PLXDC2: variants seen among roughly 807,000 people sequenced by gnomAD.
PLXDC2 encodes plexin domain-containing protein 2.
A neutral mutation model predicts 68.9 loss-of-function variants in PLXDC2; 40 were observed. That is an observed-to-expected ratio of 0.58 (90% confidence interval 0.45 to 0.76). PLXDC2 has a LOEUF of 0.76. Among genes scored for constraint, PLXDC2 ranks in the 30% least tolerant of loss-of-function variants. The pLI is 0.00. For synonymous variants in PLXDC2, 243 were observed against 234.2 expected (o/e 1.04, Z -0.34); for missense variants, 644 against 661.9 (o/e 0.97, Z 0.30).
At chr10:19,894,402 C>T (rs1253636856) in intron 1 of PLXDC2, among the ~76,000 whole-genome samples, 2 of 151,822 alleles carry the variant, frequency 1.3e-5, no homozygotes, top group Admixed American at 6.6e-5. Flanking sequence ...GAATTTTAAC[C>T]ACTTTCAATT....
intron 1 of PLXDC2, among the ~76,000 whole-genome samples, chr10:19,837,613 C>G (rs969740983): frequency 3.9e-4 from 60 of 152,234 alleles, no homozygotes; most frequent in African/African-American, 1.4e-3. Flanking sequence ...CCTAGTTTAA[C>G]TTTGTAATGA....
intron 6 of PLXDC2, among the ~76,000 whole-genome samples, chr10:20,160,209 C>T (rs996934912): frequency 1.4e-4 from 22 of 152,050 alleles, no homozygotes; most frequent in African/African-American, 5.1e-4. Flanking sequence ...ATCTAGTAGA[C>T]ATCATTCTTA....
At chr10:20,058,736 G>T (rs1032785339) in intron 3 of PLXDC2, among the ~76,000 whole-genome samples, 1 of 152,066 alleles carries the variant, frequency 6.6e-6, no homozygotes, top group Admixed American at 6.6e-5. Flanking sequence ...GAGGATCATT[G>T]GTCAAGGATG....
intron 1 of PLXDC2, among the ~76,000 whole-genome samples, chr10:19,973,169 G>C (rs974096682): frequency 3.3e-5 from 5 of 150,264 alleles, no homozygotes; most frequent in Non-Finnish European, 7.4e-5. Flanking sequence ...TTGTGAAAAT[G>C]TTGTCATTTT....
intron 13 of PLXDC2, among the ~76,000 whole-genome samples, chr10:20,278,818 T>C (rs1836043270): frequency 6.6e-6 from 1 of 152,204 alleles, no homozygotes; most frequent in African/African-American, 2.4e-5. Flanking sequence ...ATTTATCATC[T>C]TATTTAGCCC....
chr10:19,879,655 G>A (rs1342609466), intron 1 of PLXDC2, among the ~76,000 whole-genome samples: 4 of 152,178 alleles, frequency 2.6e-5, no homozygotes, highest in Non-Finnish European at 4.4e-5. Context: ...ACATGAACAA[G>A]AAAATGCAGT....
chr10:20,162,106 A>C (rs1032740021), intron 6 of PLXDC2, among the ~76,000 whole-genome samples: 2 of 148,264 alleles, frequency 1.3e-5, no homozygotes, highest in Admixed American at 1.3e-4. Context: ...GAAGGAAGGA[A>C]GGAAGGAAGG....
At chr10:19,888,083 T>C (rs1383348098) in intron 1 of PLXDC2, among the ~76,000 whole-genome samples, 1 of 152,258 alleles carries the variant, frequency 6.6e-6, no homozygotes, top group East Asian at 1.9e-4. Context: ...TGTGAGAAAT[T>C]GTTAATGAAT....
At chr10:19,977,731 A>G (rs1834482683) in intron 1 of PLXDC2, among the ~76,000 whole-genome samples, 1 of 151,704 alleles carries the variant, frequency 6.6e-6, no homozygotes, top group Non-Finnish European at 1.5e-5. Context: ...GTAACCTCAC[A>G]TGGCAGAGGG....
intron 1 of PLXDC2, among the ~76,000 whole-genome samples, chr10:19,929,303 A>T (rs1833590311): frequency 6.6e-6 from 1 of 152,070 alleles, no homozygotes; most frequent in Admixed American, 6.5e-5. Flanking sequence ...CTCAAATGGG[A>T]CCAGAGAGAC....
chr10:20,145,437 G>A (rs1834063776), intron 5 of PLXDC2, among the ~76,000 whole-genome samples: 1 of 152,212 alleles, frequency 6.6e-6, no homozygotes, highest in African/African-American at 2.4e-5. Context: ...ATTTAGGAAA[G>A]CAAACTTCTC....
intron 1 of PLXDC2, among the ~76,000 whole-genome samples, chr10:19,897,227 C>CTTTTTTTTTTT (rs558204823): frequency 2.1e-5 from 3 of 139,964 alleles, no homozygotes; most frequent in Non-Finnish European, 3.1e-5. Context: ...ATTCCCTTCT[C>CTTTTTTTTTTT]TTTTTTTTTT....
chr10:20,081,763 G>T (rs983470380), intron 4 of PLXDC2, among the ~76,000 whole-genome samples: 1 of 151,158 alleles, frequency 6.6e-6, no homozygotes, highest in African/African-American at 2.4e-5. Context: ...AAGTCTGGCC[G>T]GGCACAGTGG....
intron 1 of PLXDC2, among the ~76,000 whole-genome samples, chr10:19,842,723 T>C (rs1836932573): frequency 6.6e-6 from 1 of 152,240 alleles, no homozygotes; most frequent in Admixed American, 6.5e-5. Context: ...ATTGCAAATT[T>C]AGAAGAAGGA....
intron 13 of PLXDC2, among the ~76,000 whole-genome samples, chr10:20,252,132 G>C (rs1354335798): frequency 6.6e-6 from 1 of 152,138 alleles, no homozygotes; most frequent in Non-Finnish European, 1.5e-5. Context: ...AAGGGCAATG[G>C]AGTTTGCCTG....
At chr10:19,945,522 G>A (rs1166135052) in intron 1 of PLXDC2, among the ~76,000 whole-genome samples, 1 of 152,148 alleles carries the variant, frequency 6.6e-6, no homozygotes, top group Non-Finnish European at 1.5e-5. Context: ...AGTTCTCTTG[G>A]CCTTGGTTTT....
intron 2 of PLXDC2, 142 bp downstream of exon 2, chr10:20,002,128 T>C (rs1255187754): frequency 3.7e-6 from 3 of 821,494 alleles, no homozygotes; most frequent in African/African-American, 3.5e-5. Context: ...AATTCGTTAA[T>C]AAATATAATA....
chr10:19,928,942 A>G (rs1431450102), intron 1 of PLXDC2, among the ~76,000 whole-genome samples: 1 of 151,588 alleles, frequency 6.6e-6, no homozygotes, highest in Non-Finnish European at 1.5e-5. Flanking sequence ...TTTAGTAGAG[A>G]TGGAGTTTCA....
At chr10:19,969,999 T>G (rs1220741175) in intron 1 of PLXDC2, among the ~76,000 whole-genome samples, 1 of 152,194 alleles carries the variant, frequency 6.6e-6, no homozygotes, top group Non-Finnish European at 1.5e-5. Flanking sequence ...AGTGGCTACA[T>G]TTTTAGTCTA....
Sources: gnomAD v4.1 joint callset for allele counts (sites outside exome capture counted in the v4.1 genomes callset) on GRCh38, gnomAD v4.1.1 for gene constraint, MANE v1.5 for transcripts, NCBI Gene and HGNC (gene_info 2026-07-23, HGNC 2026-07-21) for gene names.